DCC: variants seen among roughly 807,000 people sequenced by gnomAD.
The protein encoded by DCC is DCC netrin 1 receptor.
DCC carries 58 observed loss-of-function variants against 172.5 expected under a neutral mutation model. The ratio of observed to expected loss-of-function variants is 0.34; its 90% confidence interval spans 0.27 to 0.42. DCC has a LOEUF of 0.42. DCC is among the 10% of genes least tolerant of loss of function. The pLI, the probability that DCC is intolerant of heterozygous loss-of-function variation, is 1.00. For synonymous variants in DCC, 709 were observed against 644.5 expected, an observed-to-expected ratio of 1.10 and a Z score of -1.52; for missense variants, 1,740 against 1,791.0, an observed-to-expected ratio of 0.97 and a Z score of 0.51.
intron 12 of DCC, among the ~76,000 whole-genome samples, chr18:53,241,915 T>C (rs774009974): frequency 6.6e-6 from 1 of 152,134 alleles, no homozygotes; most frequent in East Asian, 1.9e-4. Flanking sequence ...AGATCTCCAG[T>C]AATAGTATTC....
chr18:52,582,495 A>T (rs2033572425), intron 1 of DCC, among the ~76,000 whole-genome samples: 1 of 152,214 alleles, frequency 6.6e-6, no homozygotes, highest in Non-Finnish European at 1.5e-5. Flanking sequence ...TTATAGTAGC[A>T]AACCAATAAG....
At chr18:52,591,419 A>G (rs1180090602) in intron 1 of DCC, among the ~76,000 whole-genome samples, 1 of 152,158 alleles carries the variant, frequency 6.6e-6, no homozygotes, top group Non-Finnish European at 1.5e-5. Context: ...TTCCCAAAAC[A>G]TAATTCTTAT....
intron 5 of DCC, among the ~76,000 whole-genome samples, chr18:53,023,843 A>G (rs555031658): frequency 2.0e-4 from 31 of 152,238 alleles, no homozygotes; most frequent in Non-Finnish European, 3.5e-4. Flanking sequence ...TCTGCTTTCC[A>G]GGATTGTACA....
intron 18 of DCC, among the ~76,000 whole-genome samples, chr18:53,399,033 T>C (rs1356380846): frequency 3.9e-5 from 6 of 152,158 alleles, no homozygotes; most frequent in Admixed American, 3.9e-4. Flanking sequence ...TGGCTTGTGA[T>C]AAAGATACGA....
chr18:53,451,952 A>T (rs2045420501), intron 23 of DCC, among the ~76,000 whole-genome samples: 1 of 152,176 alleles, frequency 6.6e-6, no homozygotes, highest in Non-Finnish European at 1.5e-5. Flanking sequence ...ATGAGATTTG[A>T]CTAGTTTGAA....
chr18:53,042,003 T>C (rs1405709660), intron 5 of DCC, among the ~76,000 whole-genome samples: 1 of 152,060 alleles, frequency 6.6e-6, no homozygotes, highest in Non-Finnish European at 1.5e-5. Flanking sequence ...TATTTCTTTT[T>C]CTTGCCAGAT....
chr18:52,985,849 C>A (rs1207905457), intron 5 of DCC, among the ~76,000 whole-genome samples: 1 of 152,062 alleles, frequency 6.6e-6, no homozygotes, highest in Non-Finnish European at 1.5e-5. Flanking sequence ...TTCAAGAACC[C>A]TTTCTTCTTG....
At chr18:52,371,995 G>T (rs1186111377) in intron 1 of DCC, among the ~76,000 whole-genome samples, 2 of 152,170 alleles carry the variant, frequency 1.3e-5, no homozygotes, top group Non-Finnish European at 2.9e-5. Flanking sequence ...TCCTCCTTTT[G>T]ATCAGCTACT....
intron 2 of DCC, among the ~76,000 whole-genome samples, chr18:52,781,134 CT>C (rs1222753655): frequency 6.6e-6 from 1 of 152,138 alleles, no homozygotes; most frequent in East Asian, 1.9e-4. Context: ...ACAAAAGGAT[CT>C]GATCTAATGA....
intron 1 of DCC, among the ~76,000 whole-genome samples, chr18:52,540,654 C>T (rs1408719997): frequency 6.5e-5 from 8 of 122,228 alleles, no homozygotes; most frequent in African/African-American, 1.9e-4. Flanking sequence ...TCGCCCAAGC[C>T]GGAGTGCAGT....
At chr18:52,942,444 C>T (rs548947774) in intron 5 of DCC, among the ~76,000 whole-genome samples, 10 of 151,974 alleles carry the variant, frequency 6.6e-5, no homozygotes, top group Non-Finnish European at 1.5e-4. Flanking sequence ...CATGTGGGTG[C>T]CTCCTATGTT....
At chr18:52,686,706 T>C (rs2035841623) in intron 1 of DCC, among the ~76,000 whole-genome samples, 1 of 152,142 alleles carries the variant, frequency 6.6e-6, no homozygotes, top group Non-Finnish European at 1.5e-5. Context: ...ATCCATGAGC[T>C]CCTTTGCATA....
chr18:52,609,472 G>C (rs2034204491), intron 1 of DCC, among the ~76,000 whole-genome samples: 1 of 152,014 alleles, frequency 6.6e-6, no homozygotes, highest in African/African-American at 2.4e-5. Flanking sequence ...CTAAGGCTTG[G>C]CTGTAATGTT....
At chr18:52,367,540 A>G (rs1360910166) in intron 1 of DCC, among the ~76,000 whole-genome samples, 2 of 152,168 alleles carry the variant, frequency 1.3e-5, no homozygotes, top group Non-Finnish European at 2.9e-5. Flanking sequence ...ACTTCTCTGA[A>G]TATTTACTTT....
intron 12 of DCC, among the ~76,000 whole-genome samples, chr18:53,272,023 G>A (rs926887091): frequency 7.9e-5 from 12 of 152,148 alleles, no homozygotes; most frequent in Non-Finnish European, 1.6e-4. Context: ...TTGCTGTGTT[G>A]TGATAAGATG....
intron 5 of DCC, among the ~76,000 whole-genome samples, chr18:52,928,234 G>T (rs1383862578): frequency 3.9e-5 from 6 of 152,034 alleles, no homozygotes; most frequent in Non-Finnish European, 1.5e-5. Flanking sequence ...GATGCAAAGT[G>T]TGTCCTTAGG....
At chr18:52,967,993 T>G (rs1327876852) in intron 5 of DCC, among the ~76,000 whole-genome samples, 1 of 152,208 alleles carries the variant, frequency 6.6e-6, no homozygotes, top group Non-Finnish European at 1.5e-5. Flanking sequence ...GGTCATCAGA[T>G]TTTTGAAATT....
chr18:52,592,143 G>A (rs1024158432), intron 1 of DCC, among the ~76,000 whole-genome samples: 9 of 152,260 alleles, frequency 5.9e-5, no homozygotes, highest in Middle Eastern at 3.4e-3. Flanking sequence ...AGCGACAAAA[G>A]TAAAGAGTTT....
At chr18:53,264,168 A>G (rs1054116532) in intron 12 of DCC, among the ~76,000 whole-genome samples, 10 of 152,134 alleles carry the variant, frequency 6.6e-5, no homozygotes, top group Non-Finnish European at 1.2e-4. Context: ...AAATTATTTT[A>G]CAGGGAATTT....
Sources: allele counts gnomAD v4.1 joint callset (sites outside exome capture counted in the v4.1 genomes callset), GRCh38; gene constraint gnomAD v4.1.1; transcripts MANE v1.5; gene names NCBI Gene and HGNC (gene_info 2026-07-23, HGNC 2026-07-21).